The following MYOF variants were observed in gnomAD, a reference collection of about 807,000 sequenced individuals.
MYOF encodes myoferlin, also known as fer-1-like 3, myoferlin.
In MYOF, 244 loss-of-function variants were observed where a neutral mutation model predicts 284.2. The observed-to-expected ratio is 0.86, with a 90% CI of 0.77 to 0.95. MYOF has a LOEUF of 0.95. Ranked by LOEUF, MYOF falls within the 40% of genes least tolerant of loss-of-function variation. The probability of loss-of-function intolerance (pLI) is 0.00; values close to 1 mark genes in which losing one functional copy is unlikely to be tolerated. For synonymous variants in MYOF, 904 were observed against 919.7 expected, an observed-to-expected ratio of 0.98 and a Z score of 0.31; for missense variants, 2,496 against 2,560.6, an observed-to-expected ratio of 0.97 and a Z score of 0.54.
At chr10:93,364,751 T>C (rs915241202) in intron 26 of MYOF, among the ~76,000 whole-genome samples, 1 of 152,166 alleles carries the variant, frequency 6.6e-6, no homozygotes, top group African/African-American at 2.4e-5. Flanking sequence ...TTGACTCAAG[T>C]CTTCTGCCAG....
intron 4 of MYOF, among the ~76,000 whole-genome samples, chr10:93,430,437 C>T (rs963330976): frequency 1.3e-5 from 2 of 151,834 alleles, no homozygotes; most frequent in Admixed American, 1.3e-4. Flanking sequence ...TAAAAATTAA[C>T]TGGGCATGGT....
At chr10:93,458,347 T>G (rs2056794083) in intron 1 of MYOF, among the ~76,000 whole-genome samples, 1 of 150,752 alleles carries the variant, frequency 6.6e-6, no homozygotes, top group African/African-American at 2.4e-5. Context: ...AGCAAGACCC[T>G]GTCCAAAAAC....
intron 21 of MYOF, among the ~76,000 whole-genome samples, chr10:93,378,705 A>ATATATATATATG: frequency 7.6e-6 from 1 of 130,826 alleles, no homozygotes; most frequent in East Asian, 2.6e-4. Context: ...ATATATATAT[A>ATATATATATATG]TATATATATA....
At chr10:93,457,435 AT>A (rs1485421094) in intron 1 of MYOF, among the ~76,000 whole-genome samples, 3 of 152,184 alleles carry the variant, frequency 2.0e-5, no homozygotes, top group African/African-American at 7.2e-5. Context: ...ACTCCCTCCC[AT>A]AGGCTTCGGT....
At chr10:93,307,451 C>T (rs1842164347) in intron 53 of MYOF, among the ~76,000 whole-genome samples, 1 of 151,956 alleles carries the variant, frequency 6.6e-6, no homozygotes, top group African/African-American at 2.4e-5. Context: ...CAGGCGCCTG[C>T]CACCATGCCC....
chr10:93,420,513 A>G (rs985379700), intron 5 of MYOF, among the ~76,000 whole-genome samples: 1 of 152,226 alleles, frequency 6.6e-6, no homozygotes, highest in Non-Finnish European at 1.5e-5. Context: ...TAAAAGCTCT[A>G]AGAAAGAATT....
At chr10:93,468,570 G>A (rs995199750) in intron 1 of MYOF, among the ~76,000 whole-genome samples, 1 of 152,196 alleles carries the variant, frequency 6.6e-6, no homozygotes, top group African/African-American at 2.4e-5. Context: ...AATGCAAAGC[G>A]CGGAGTGAAA....
chr10:93,402,713 TCTCC>T (rs1305512787), intron 10 of MYOF, 143 bp downstream of exon 10: 6 of 664,982 alleles, frequency 9.0e-6, no homozygotes, highest in African/African-American at 7.3e-5. Flanking sequence ...TATCCTCTCC[TCTCC>T]CTCATTAAGA....
chr10:93,368,278 C>T (rs1185624505), intron 25 of MYOF, among the ~76,000 whole-genome samples: 1 of 152,214 alleles, frequency 6.6e-6, no homozygotes, highest in African/African-American at 2.4e-5. Flanking sequence ...TAAGCCTGAG[C>T]TGCAAGGGCT....
At chr10:93,317,967 A>C (rs1005294948) in intron 49 of MYOF, among the ~76,000 whole-genome samples, 4 of 152,162 alleles carry the variant, frequency 2.6e-5, no homozygotes, top group African/African-American at 7.2e-5. Context: ...CTCTGCTGTT[A>C]TCTGTTGCTG....
At chr10:93,369,307 C>T (rs1564656170) in intron 25 of MYOF, among the ~76,000 whole-genome samples, 1 of 151,098 alleles carries the variant, frequency 6.6e-6, no homozygotes, top group South Asian at 2.1e-4. Flanking sequence ...GCATCAGGAA[C>T]CAATAAGATT....
At chr10:93,364,818 C>T (rs1398341818) in intron 26 of MYOF, among the ~76,000 whole-genome samples, 2 of 152,026 alleles carry the variant, frequency 1.3e-5, no homozygotes, top group African/African-American at 4.8e-5. Flanking sequence ...CTTTTCTCTG[C>T]TGTATTCTCC....
intron 5 of MYOF, among the ~76,000 whole-genome samples, chr10:93,418,396 C>G (rs977843607): frequency 2.6e-5 from 4 of 152,122 alleles, no homozygotes; most frequent in Non-Finnish European, 4.4e-5. Flanking sequence ...ATGTTTGTGT[C>G]CTACTGTAAG....
At chr10:93,437,692 T>C (rs2134243900) in intron 3 of MYOF, among the ~76,000 whole-genome samples, 1 of 152,228 alleles carries the variant, frequency 6.6e-6, no homozygotes, top group South Asian at 2.1e-4. Context: ...CCTAAAAAGA[T>C]GGTGAGCTTC....
chr10:93,306,655 A>G lies in MYOF; in HGVS notation c.*308T>C, dbSNP rs1280221201. 3.1e-6 allele frequency: 1 copy of G among 320,296 alleles called. No homozygotes were observed. Among genetic ancestry groups the G allele is most frequent in the Non-Finnish European group, 5.6e-6 (1 of 177,536 alleles). The allele number at this position is 320,296 out of a possible 1,614,324, so 19.8% of individuals were successfully genotyped here. A position where few individuals can be genotyped will look rare whatever the true frequency, so the allele number is the denominator to read the frequency against. ...TAGCAATTTCCAAAAGCTGAAGTCT[A>G]GAACCGAAGACACATATAAAAAGAT... On this transcript the variant is annotated 3_prime_UTR_variant, in exon 54 of 54. Transcript: ENST00000359263.
chr10:93,400,612 C>A (rs1847238873), intron 12 of MYOF, among the ~76,000 whole-genome samples: 1 of 150,490 alleles, frequency 6.6e-6, no homozygotes, highest in African/African-American at 2.5e-5. Flanking sequence ...GTGAGTGCAG[C>A]CTCCTGGGGA....
At chr10:93,414,237 T>C (rs1848023659) in intron 5 of MYOF, among the ~76,000 whole-genome samples, 1 of 151,910 alleles carries the variant, frequency 6.6e-6, no homozygotes, top group African/African-American at 2.4e-5. Context: ...TCCTCCCGTC[T>C]TCTCATAAGA....
chr10:93,445,324 G>T (rs1478515689), intron 3 of MYOF, among the ~76,000 whole-genome samples: 1 of 152,196 alleles, frequency 6.6e-6, no homozygotes, highest in African/African-American at 2.4e-5. Flanking sequence ...TGAGGTGTGT[G>T]TGAGGATCAA....
chr10:93,469,939 A>C (rs2057100141), intron 1 of MYOF, among the ~76,000 whole-genome samples: 1 of 152,118 alleles, frequency 6.6e-6, no homozygotes, highest in Admixed American at 6.6e-5. Flanking sequence ...TGAGAAAATA[A>C]AGGAGTAGGC....
Sources: gnomAD v4.1 joint callset for allele counts (sites outside exome capture counted in the v4.1 genomes callset) on GRCh38, gnomAD v4.1.1 for gene constraint, MANE v1.5 for transcripts, NCBI Gene and HGNC (gene_info 2026-07-23, HGNC 2026-07-21) for gene names.